Variants in JMJD6 observed in about 807,000 individuals in gnomAD.
The protein encoded by JMJD6 is bifunctional arginine demethylase and lysyl-hydroxylase JMJD6.
JMJD6 carries 17 observed loss-of-function variants against 45.8 expected under a neutral mutation model. The ratio of observed to expected loss-of-function variants is 0.37; its 90% confidence interval spans 0.25 to 0.56. The LOEUF (loss-of-function observed/expected upper bound fraction) is 0.56. Ranked by LOEUF, JMJD6 falls within the 20% of genes least tolerant of loss-of-function variation. The probability of loss-of-function intolerance (pLI) is 0.79; values close to 1 mark genes in which losing one functional copy is unlikely to be tolerated. For synonymous variants in JMJD6, 221 were observed against 196.3 expected (o/e 1.13, Z -1.05); for missense variants, 470 against 517.5 (o/e 0.91, Z 0.89).
At position 76,726,486 on chromosome 17, in the gene JMJD6, C is replaced by T; in HGVS notation, c.-11G>A. On this transcript the variant is annotated 5_prime_UTR_variant, in exon 1 of 6. Coordinates refer to ENST00000397625, the MANE Select transcript of JMJD6 (RefSeq NM_015167.3). ...GCTCTTGTGGTTCATTCTGCGGGGTCGCCAGCTGGTTCCGCTACGACCTCG... is the reference window on the plus strand; with the variant it reads ...GCTCTTGTGGTTCATTCTGCGGGGTTGCCAGCTGGTTCCGCTACGACCTCG... 6.3e-7 allele frequency: 1 copy of T among 1,586,048 alleles called. No individual in the cohort carries two copies. Among genetic ancestry groups the T allele is most frequent in the Non-Finnish European group, 8.6e-7 (1 of 1,166,712 alleles).
chr17:76,724,851 C>A (rs1320849644), intron 2 of JMJD6, among the ~76,000 whole-genome samples: 1 of 151,914 alleles, frequency 6.6e-6, no homozygotes, highest in Non-Finnish European at 1.5e-5. Flanking sequence ...AAAGAAAAAT[C>A]ACTAATGTGG....
downstream of JMJD6, chr17:76,716,659 C>G: frequency 6.2e-7 from 1 of 1,612,522 alleles, no homozygotes; most frequent in Non-Finnish European, 8.5e-7. Context: ...ACGCTGAAAG[C>G]ACCTCAGGGA....
At chr17:76,723,523 C>T (rs1203343207) in intron 3 of JMJD6, among the ~76,000 whole-genome samples, 3 of 151,178 alleles carry the variant, frequency 2.0e-5, no homozygotes, top group Non-Finnish European at 4.4e-5. Flanking sequence ...TCACTGCAAC[C>T]TTCGCCACCT....
Position 76,724,013 on chromosome 17 carries a change from G to T in JMJD6, c.564C>A (p.Ile188=), listed in dbSNP as rs769252327. The T allele has an allele frequency of 6.2e-7, 1 of 1,614,030 alleles. No homozygotes were observed. The change falls in exon 3 of 6, where the codon ATC becomes ATA. Residue 188 remains isoleucine (I), a synonymous_variant. Transcript: ENST00000397625. ...GPPRSGTGIH[I]DPLGTSAWNA... ...TCCAGGCACTGGTTCCCAGAGGGTC[G>T]ATGTGAATCCCAGTTCCGGAGCGTG...
chr17:76,721,789 G>T lies in JMJD6; in HGVS notation c.941+9C>A. The stretch of plus-strand genomic sequence containing the variant: ...AACCAAGCAGAAATAAGAAAAAAAT[G>T]ACTCTCACCTATACCATTTCCTTGA... On this transcript the variant is annotated intron_variant, in intron 4 of 5. Transcript: ENST00000397625. 1 of 1,606,762 alleles carries T rather than the reference G, an allele frequency of 6.2e-7. No homozygotes were observed. The highest frequency in any genetic ancestry group is 1.1e-5 in the South Asian group (1 of 89,826).
At chr17:76,724,113 C>A (rs1309492440) in intron 2 of JMJD6, 55 bp from the exon 3 acceptor site, 1 of 1,566,644 alleles carries the variant, frequency 6.4e-7, no homozygotes, top group Non-Finnish European at 8.7e-7. Flanking sequence ...ACACATACCA[C>A]ACAAAACAAT....
downstream of JMJD6, chr17:76,714,212 C>T (rs970025158): frequency 6.6e-5 from 10 of 152,228 alleles, no homozygotes; most frequent in Admixed American, 1.3e-4. Flanking sequence ...TCCCCAAAGA[C>T]CCAGGGTCCT....
chr17:76,725,406 CAAAAAAAA>C (rs36106744), intron 2 of JMJD6, 53 bp downstream of exon 2: 8 of 951,454 alleles, frequency 8.4e-6, no homozygotes, highest in Non-Finnish European at 1.1e-5. Context: ...CGCTCTGTCT[CAAAAAAAA>C]AAAAAAAAAA....
chr17:76,718,429 T>C, downstream of JMJD6: 1 of 1,312,982 alleles, frequency 7.6e-7, no homozygotes, highest in South Asian at 2.3e-5. Flanking sequence ...TCTGGTATTC[T>C]CAAAGGAAAA....
chr17:76,717,121 GA>G (rs2076771012), downstream of JMJD6, among the ~76,000 whole-genome samples: 3 of 152,292 alleles, frequency 2.0e-5, no homozygotes, highest in Admixed American at 2.0e-4. Context: ...AAGAAAGACT[GA>G]GCTGCTGGGA....
At chr17:76,714,768 C>T (rs930037561), downstream of JMJD6, 3 of 152,234 alleles carry the variant, frequency 2.0e-5, no homozygotes, top group African/African-American at 4.8e-5. Context: ...CAGGAATCAA[C>T]TTTAGCATCT....
intron 2 of JMJD6, 62 bp downstream of exon 2, chr17:76,725,405 T>TC (rs1361271310): frequency 2.0e-6 from 1 of 503,468 alleles, no homozygotes; most frequent in Non-Finnish European, 3.0e-6. Flanking sequence ...ACGCTCTGTC[T>TC]CAAAAAAAAA....
At chr17:76,726,293 T>C (rs2143758728) in intron 1 of JMJD6, 54 bp downstream of exon 1, 1 of 1,516,986 alleles carries the variant, frequency 6.6e-7, no homozygotes, top group Non-Finnish European at 8.8e-7. Flanking sequence ...GAAAGGTGCG[T>C]AGCGGCTGGA....
intron 2 of JMJD6, among the ~76,000 whole-genome samples, chr17:76,724,358 G>C (rs1473837083): frequency 6.6e-6 from 1 of 151,738 alleles, no homozygotes; most frequent in African/African-American, 2.4e-5. Context: ...CTGGCCTCAA[G>C]TGATCACCTG....
downstream of JMJD6, chr17:76,715,594 C>G (rs2076758215): frequency 6.6e-6 from 1 of 152,224 alleles, no homozygotes; most frequent in Admixed American, 6.5e-5. Flanking sequence ...CACAGCCTCC[C>G]TGCCTGTGAA....
chr17:76,725,072 G>C (rs2076889781), intron 2 of JMJD6, among the ~76,000 whole-genome samples: 1 of 152,110 alleles, frequency 6.6e-6, no homozygotes, highest in South Asian at 2.1e-4. Flanking sequence ...TTCCAAAAAA[G>C]ATTAGCAACT....
chr17:76,726,418 G>A lies in JMJD6; in HGVS notation c.58C>T (p.Leu20Phe). Residue 20 changes from leucine to phenylalanine, a missense_variant, in exon 1 of 6, where the codon CTC becomes TTC. By Grantham distance (22) the Leu-to-Phe change is conservative. Coordinates refer to ENST00000397625, the MANE Select transcript of JMJD6 (RefSeq NM_015167.3). ...REAKRSARPELKDSLDWTRHN... is the reference protein window; with the variant it reads ...REAKRSARPEFKDSLDWTRHN... ...CGGGTCCAATCCAGCGAGTCCTTGA[G>A]CTCCGGCCGCGCACTCCGCTTGGCC... is the stretch of plus-strand genomic sequence containing the variant. 1 of 1,604,688 alleles carries A rather than the reference G, an allele frequency of 6.2e-7. No individual in the cohort carries two copies. The highest frequency in any genetic ancestry group is 8.5e-7 in the Non-Finnish European group (1 of 1,176,514).
chr17:76,724,115 C>G, intron 2 of JMJD6, 57 bp from the exon 3 acceptor site: 8 of 1,563,694 alleles, frequency 5.1e-6, no homozygotes, highest in Non-Finnish European at 6.1e-6. Flanking sequence ...ACATACCACA[C>G]AAAACAATAA....
intron 5 of JMJD6, among the ~76,000 whole-genome samples, chr17:76,720,087 G>C (rs766290756): frequency 1.3e-5 from 2 of 152,214 alleles, no homozygotes; most frequent in African/African-American, 2.4e-5. Context: ...AGAGGTTACA[G>C]TGAGCCGAGA....
Sources: gnomAD v4.1 joint callset for allele counts (sites outside exome capture counted in the v4.1 genomes callset) on GRCh38, gnomAD v4.1.1 for gene constraint, MANE v1.5 for transcripts, NCBI Gene and HGNC (gene_info 2026-07-23, HGNC 2026-07-21) for gene names.